The following LAPTM4B variants were observed in gnomAD, a reference collection of about 807,000 sequenced individuals.
The protein encoded by LAPTM4B is lysosomal protein transmembrane 4 beta, also known as lysosomal-associated transmembrane protein 4B.
In LAPTM4B, 26 loss-of-function variants were observed where a neutral mutation model predicts 28.5. That is an observed-to-expected ratio of 0.91 (90% confidence interval 0.67 to 1.27). The LOEUF (loss-of-function observed/expected upper bound fraction) is 1.27, where lower values mean the gene tolerates loss of function less well. Ranked by LOEUF, LAPTM4B falls within the 50% of genes most tolerant of loss-of-function variation. The pLI is 0.00. For missense variants in LAPTM4B, 288 were observed against 285.8 expected (o/e 1.01, Z -0.06); for synonymous variants, 109 against 106.4 (o/e 1.02, Z -0.15).
chr8:97,811,134 C>G (rs765582633), intron 2 of LAPTM4B, among the ~76,000 whole-genome samples: 2 of 152,188 alleles, frequency 1.3e-5, no homozygotes, highest in African/African-American at 2.4e-5. Flanking sequence ...CGATGCCAAA[C>G]AGCTGGAACT....
At chr8:97,806,312 G>A (rs1261691255) in intron 2 of LAPTM4B, among the ~76,000 whole-genome samples, 1 of 152,170 alleles carries the variant, frequency 6.6e-6, no homozygotes, top group Non-Finnish European at 1.5e-5. Flanking sequence ...TGAGCACAGA[G>A]CCTGGGAGAG....
intron 6 of LAPTM4B, among the ~76,000 whole-genome samples, chr8:97,827,477 A>T (rs1430913440): frequency 1.3e-5 from 2 of 152,164 alleles, no homozygotes; most frequent in Non-Finnish European, 1.5e-5. Context: ...TATCCCTTGT[A>T]TCCTTATAAT....
At chr8:97,781,327 C>T (rs573027071) in intron 1 of LAPTM4B, among the ~76,000 whole-genome samples, 24 of 99,504 alleles carry the variant, frequency 2.4e-4, no homozygotes, top group African/African-American at 7.5e-4. Flanking sequence ...TTGCTCAGGC[C>T]GAAGTGCAGT....
intron 6 of LAPTM4B, among the ~76,000 whole-genome samples, chr8:97,833,879 A>C (rs1817221447): frequency 6.6e-6 from 1 of 152,188 alleles, no homozygotes; most frequent in South Asian, 2.1e-4. Flanking sequence ...TATAAAGAGA[A>C]GCTTTCCCTC....
chr8:97,777,704 G>A (rs181923578), intron 1 of LAPTM4B, among the ~76,000 whole-genome samples: 1 of 152,324 alleles, frequency 6.6e-6, no homozygotes, highest in East Asian at 1.9e-4. Flanking sequence ...GATATTTAGC[G>A]TGTGTGGGTT....
At chr8:97,831,402 T>TTG (rs1563618788) in intron 6 of LAPTM4B, among the ~76,000 whole-genome samples, 1 of 152,170 alleles carries the variant, frequency 6.6e-6, no homozygotes, top group African/African-American at 2.4e-5. Context: ...TGCCAATCTT[T>TTG]TGTGGGGGTA....
chr8:97,797,060 T>TG (rs1302011571), intron 1 of LAPTM4B, among the ~76,000 whole-genome samples: 1 of 152,124 alleles, frequency 6.6e-6, no homozygotes, highest in African/African-American at 2.4e-5. Context: ...CCCAGGAGTT[T>TG]GAGACCAGGT....
chr8:97,847,244 A>G (rs951263546), intron 6 of LAPTM4B, among the ~76,000 whole-genome samples: 9 of 152,188 alleles, frequency 5.9e-5, no homozygotes, highest in African/African-American at 2.2e-4. Context: ...GTTAAAACCA[A>G]CTGGAAGAAA....
At chr8:97,826,821 T>C (rs147577247) in intron 6 of LAPTM4B, among the ~76,000 whole-genome samples, 31 of 152,352 alleles carry the variant, frequency 2.0e-4, no homozygotes, top group African/African-American at 7.5e-4. Context: ...TTTTACCCAT[T>C]AACTTTTGCA....
chr8:97,776,437 CTG>C (rs1399006480), intron 1 of LAPTM4B, among the ~76,000 whole-genome samples: 12 of 152,244 alleles, frequency 7.9e-5, no homozygotes, highest in Admixed American at 7.2e-4. Context: ...GGCAGACAAA[CTG>C]AGCTTATCTG....
intron 6 of LAPTM4B, among the ~76,000 whole-genome samples, chr8:97,830,263 A>AC (rs1817161798): frequency 6.6e-6 from 1 of 152,078 alleles, no homozygotes; most frequent in South Asian, 2.1e-4. Flanking sequence ...TAGCAGGAGA[A>AC]CGGGAGTGAG....
At chr8:97,783,945 T>C (rs1453754112) in intron 1 of LAPTM4B, among the ~76,000 whole-genome samples, 1 of 152,164 alleles carries the variant, frequency 6.6e-6, no homozygotes, top group Non-Finnish European at 1.5e-5. Flanking sequence ...TTTATTAGAC[T>C]CAAATGATCA....
chr8:97,827,527 G>A (rs1817108130), intron 6 of LAPTM4B, among the ~76,000 whole-genome samples: 1 of 152,180 alleles, frequency 6.6e-6, no homozygotes, highest in Non-Finnish European at 1.5e-5. Context: ...AGTCCAAAAT[G>A]TTATGGGAAC....
At chr8:97,795,553 T>C (rs941725867) in intron 1 of LAPTM4B, among the ~76,000 whole-genome samples, 14 of 152,152 alleles carry the variant, frequency 9.2e-5, no homozygotes, top group African/African-American at 3.4e-4. Flanking sequence ...TCTTTGACTT[T>C]TAAGAAAGTC....
intron 6 of LAPTM4B, among the ~76,000 whole-genome samples, chr8:97,845,460 A>G (rs1233406048): frequency 6.6e-6 from 1 of 152,068 alleles, no homozygotes; most frequent in Non-Finnish European, 1.5e-5. Context: ...TGATTCTATA[A>G]GACACTTCAT....
chr8:97,805,342 T>TTTTTTTTTGCAGATCATCAATG lies in LAPTM4B; in HGVS notation c.100-11_100-10insTTTTTTTTGCAGATCATCAATG. On this transcript the variant is annotated splice_polypyrimidine_tract_variant and intron_variant, in intron 1 of 6. Coordinates refer to ENST00000521545, the MANE Select transcript of LAPTM4B (RefSeq NM_018407.6). ...TTAAATTCTTTTTTTTTTTTTTTTT[T>TTTTTTTTTGCAGATCATCAATG]CTTGTTGCAGATCATCAATGCTGTG... 2 of 1,404,822 alleles carry TTTTTTTTTGCAGATCATCAATG rather than the reference T, an allele frequency of 1.4e-6. No homozygotes were observed. Among genetic ancestry groups the TTTTTTTTTGCAGATCATCAATG allele is most frequent in the Admixed American group, 2.0e-5 (1 of 50,326 alleles). 87.0% of individuals were successfully genotyped at this position (1,404,822 alleles called of 1,614,324 possible).
chr8:97,810,573 C>T (rs991591651), intron 2 of LAPTM4B, among the ~76,000 whole-genome samples: 1 of 152,158 alleles, frequency 6.6e-6, no homozygotes, highest in Non-Finnish European at 1.5e-5. Flanking sequence ...GTCCACTGAC[C>T]TAGAAGCTCA....
chr8:97,833,051 G>A (rs1186023887), intron 6 of LAPTM4B, among the ~76,000 whole-genome samples: 5 of 151,204 alleles, frequency 3.3e-5, no homozygotes, highest in African/African-American at 1.2e-4. Context: ...AAACAAAATG[G>A]GGCCAGGCAC....
chr8:97,850,368 G>A (rs1817503976), intron 6 of LAPTM4B, among the ~76,000 whole-genome samples: 1 of 151,458 alleles, frequency 6.6e-6, no homozygotes, highest in Non-Finnish European at 1.5e-5. Context: ...GATAGGCACT[G>A]GCCCACCCTC....
Sources: allele counts gnomAD v4.1 joint callset (sites outside exome capture counted in the v4.1 genomes callset), GRCh38; gene constraint gnomAD v4.1.1; transcripts MANE v1.5; gene names NCBI Gene and HGNC (gene_info 2026-07-23, HGNC 2026-07-21).